Variants in NEDD4L observed in about 807,000 individuals in gnomAD.
NEDD4L encodes the protein E3 ubiquitin-protein ligase NEDD4-like.
In NEDD4L, 54 loss-of-function variants were observed where a neutral mutation model predicts 148.9. The observed-to-expected ratio is 0.36, with a 90% CI of 0.29 to 0.45. The LOEUF is 0.45. Among genes scored for constraint, NEDD4L ranks in the 20% least tolerant of loss-of-function variants. The pLI, the probability that NEDD4L is intolerant of heterozygous loss-of-function variation, is 1.00. For synonymous variants in NEDD4L, 433 were observed against 440.7 expected (o/e 0.98, Z 0.22); for missense variants, 856 against 1,233.8 (o/e 0.69, Z 4.59).
intron 1 of NEDD4L, among the ~76,000 whole-genome samples, chr18:58,082,079 A>AATATATATATATATAT (rs72331379): frequency 1.1e-5 from 1 of 89,946 alleles, no homozygotes; most frequent in African/African-American, 5.8e-5. Flanking sequence ...CTTTCTGATG[A>AATATATATATATATAT]ATATATATAT....
intron 1 of NEDD4L, among the ~76,000 whole-genome samples, chr18:58,135,670 G>C (rs201579893): frequency 2.6e-5 from 4 of 152,290 alleles, no homozygotes; most frequent in South Asian, 4.1e-4. Context: ...CTGGTTCTTG[G>C]CTTTTCTTGT....
Position 58,044,626 on chromosome 18 carries a change from G to C in NEDD4L, c.-35G>C. 2 of 1,574,370 alleles carry C rather than the reference G, an allele frequency of 1.3e-6. No homozygotes were observed. The highest frequency in any genetic ancestry group is 1.7e-6 in the Non-Finnish European group (2 of 1,161,286). ...CGTCCGCGCCGCAGCACAGCCGCTGGGAGCGCCTCAGACCCCGCGCGGGGC... is the reference window on the plus strand; with the variant it reads ...CGTCCGCGCCGCAGCACAGCCGCTGCGAGCGCCTCAGACCCCGCGCGGGGC... On this transcript the variant is annotated 5_prime_UTR_variant, in exon 1 of 31. Coordinates refer to ENST00000400345, the MANE Select transcript of NEDD4L (RefSeq NM_001144967.3).
chr18:58,297,873 A>G (rs2055882379), intron 5 of NEDD4L, among the ~76,000 whole-genome samples: 1 of 152,066 alleles, frequency 6.6e-6, no homozygotes, highest in Admixed American at 6.5e-5. Flanking sequence ...CTATTCCATA[A>G]TTTGTCGCTG....
At chr18:58,315,958 A>G (rs2058214738) in intron 5 of NEDD4L, 24 bp from the exon 6 acceptor site, 5 of 1,600,824 alleles carry the variant, frequency 3.1e-6, no homozygotes, top group Non-Finnish European at 4.3e-6. Context: ...TGGAAACACT[A>G]ACTCTTTGTT....
chr18:58,275,639 G>A (rs1281500164), intron 5 of NEDD4L, among the ~76,000 whole-genome samples: 1 of 152,206 alleles, frequency 6.6e-6, no homozygotes, highest in Non-Finnish European at 1.5e-5. Flanking sequence ...GCACCAGCCT[G>A]CCCCCTGCCA....
In NEDD4L at chr18:58,396,073, T is replaced by A. The variant is rs1041900213; in HGVS notation, c.2826-94T>A. 105 of 799,516 alleles carry A rather than the reference T, an allele frequency of 1.3e-4. No homozygotes were observed. In the African/African-American group the frequency reaches 1.7e-3, roughly 13 times the overall value. 49.5% of individuals were successfully genotyped at this position (799,516 alleles called of 1,614,324 possible). The stretch of plus-strand genomic sequence containing the variant: ...GGTAATCAAAATTGTTGGTTAAGGC[T>A]TTTTTATTCTCTTACTCAAACCTCA... On this transcript the variant is annotated intron_variant, in intron 30 of 30. Coordinates refer to ENST00000400345, the MANE Select transcript of NEDD4L (RefSeq NM_001144967.3).
chr18:58,175,987 CT>C (rs774749067), intron 2 of NEDD4L, among the ~76,000 whole-genome samples: 7 of 152,348 alleles, frequency 4.6e-5, no homozygotes, highest in Middle Eastern at 3.4e-3. Flanking sequence ...CTGCGGGAGG[CT>C]TGCTGTGCAA....
chr18:58,277,693 C>T (rs138238824), intron 5 of NEDD4L, among the ~76,000 whole-genome samples: 1,669 of 152,096 alleles, frequency 0.011, 11 homozygotes, highest in Middle Eastern at 0.02. Flanking sequence ...TTATTTTTAA[C>T]GTTTACCACC....
At chr18:58,344,213 G>T (rs1009923531) in intron 16 of NEDD4L, among the ~76,000 whole-genome samples, 12 of 152,332 alleles carry the variant, frequency 7.9e-5, no homozygotes, top group African/African-American at 2.9e-4. Context: ...AACAAGCCCT[G>T]CTCAAGGGGA....
intron 26 of NEDD4L, 70 bp from the exon 27 acceptor site, chr18:58,387,369 T>G (rs548077075): frequency 4.4e-5 from 64 of 1,452,366 alleles, no homozygotes; most frequent in Non-Finnish European, 4.9e-5. Flanking sequence ...CAGAAAAGTT[T>G]GTTTTTCCTG....
At chr18:58,187,594 T>G (rs1023328429) in intron 2 of NEDD4L, among the ~76,000 whole-genome samples, 3 of 152,216 alleles carry the variant, frequency 2.0e-5, no homozygotes, top group African/African-American at 7.2e-5. Context: ...TTTTTTTGTT[T>G]CCCTTCTCTT....
intron 10 of NEDD4L, 139 bp downstream of exon 10, chr18:58,329,266 C>G: frequency 5.1e-6 from 5 of 984,954 alleles, no homozygotes; most frequent in Non-Finnish European, 7.4e-6. Context: ...GAATTAATTA[C>G]CATCTGAATA....
At chr18:58,053,263 A>T (rs547969238) in intron 1 of NEDD4L, among the ~76,000 whole-genome samples, 32 of 152,180 alleles carry the variant, frequency 2.1e-4, no homozygotes, top group Middle Eastern at 3.4e-3. Flanking sequence ...TGCAGTGACA[A>T]GGGCCTGATT....
At chr18:58,343,228 G>A in intron 16 of NEDD4L, 125 bp downstream of exon 16, 1 of 588,416 alleles carries the variant, frequency 1.7e-6, no homozygotes, top group Non-Finnish European at 2.5e-6. Context: ...TCTCCAGAGG[G>A]TCTCCTCAGC....
At chr18:58,255,970 C>A in intron 5 of NEDD4L, 1 of 1,230,804 alleles carries the variant, frequency 8.1e-7, no homozygotes, top group East Asian at 3.2e-5. Context: ...GCGGGCCGCC[C>A]GAGGGCGCCG....
At chr18:58,379,479 G>A (rs185759663) in intron 24 of NEDD4L, among the ~76,000 whole-genome samples, 279 of 152,312 alleles carry the variant, frequency 1.8e-3, no homozygotes, top group African/African-American at 6.4e-3. Context: ...GGACAAATTT[G>A]GGCGAAAGGA....
In NEDD4L at chr18:58,311,802, G is replaced by A. The variant is rs139235290; in HGVS notation, c.298-4180G>A. Among the ~76,000 whole-genome samples, 100 of 152,270 alleles carry A rather than the reference G, an allele frequency of 6.6e-4. No individual in the cohort carries two copies. The East Asian group carries it at 0.012, about 18-fold the overall frequency. ...GAGGACATCTAAGCCTGGCGTCCAC[G>A]TCAGTGCTGACAGATTTGACCTAGT... On this transcript the variant is annotated intron_variant, in intron 5 of 30. Transcript: ENST00000400345.
chr18:58,051,972 C>T (rs1458971293), intron 1 of NEDD4L, among the ~76,000 whole-genome samples: 1 of 152,052 alleles, frequency 6.6e-6, no homozygotes, highest in Non-Finnish European at 1.5e-5. Flanking sequence ...CTATAGGTGG[C>T]AATGTTTGTG....
At chr18:58,058,802 TTC>T (rs1230583414) in intron 1 of NEDD4L, among the ~76,000 whole-genome samples, 1 of 152,208 alleles carries the variant, frequency 6.6e-6, no homozygotes. Flanking sequence ...AATAGCACCT[TTC>T]TGCATAGTTA....
Sources: allele counts gnomAD v4.1 joint callset (sites outside exome capture counted in the v4.1 genomes callset), GRCh38; gene constraint gnomAD v4.1.1; transcripts MANE v1.5; gene names NCBI Gene and HGNC (gene_info 2026-07-23, HGNC 2026-07-21).